HS3ST4: variants seen among roughly 807,000 people sequenced by gnomAD.
HS3ST4 encodes heparan sulfate-glucosamine 3-sulfotransferase 4, also known as heparan sulfate glucosamine 3-O-sulfotransferase 4.
HS3ST4 carries 17 observed loss-of-function variants against 29.2 expected under a neutral mutation model. The ratio of observed to expected loss-of-function variants is 0.58; its 90% CI spans 0.40 to 0.87. The LOEUF (loss-of-function observed/expected upper bound fraction) is 0.87. Ranked by LOEUF, HS3ST4 falls within the 40% of genes least tolerant of loss-of-function variation. The probability of loss-of-function intolerance (pLI) is 0.00; values close to 1 mark genes in which losing one functional copy is unlikely to be tolerated. For synonymous variants in HS3ST4, 314 were observed against 285.7 expected (o/e 1.10, Z -1.00); for missense variants, 627 against 634.5 (o/e 0.99, Z 0.13).
At chr16:26,121,222 G>C (rs1899272955) in intron 1 of HS3ST4, among the ~76,000 whole-genome samples, 1 of 152,170 alleles carries the variant, frequency 6.6e-6, no homozygotes. Flanking sequence ...GGCAGCTCGA[G>C]GGATGTTCAT....
chr16:25,811,057 A>T (rs1288863363), intron 1 of HS3ST4, among the ~76,000 whole-genome samples: 1 of 152,232 alleles, frequency 6.6e-6, no homozygotes, highest in Non-Finnish European at 1.5e-5. Context: ...GTTGGTGGTG[A>T]GCTACAAAAC....
chr16:25,761,784 A>G (rs1346770153), intron 1 of HS3ST4, among the ~76,000 whole-genome samples: 1 of 152,216 alleles, frequency 6.6e-6, no homozygotes, highest in Non-Finnish European at 1.5e-5. Flanking sequence ...TCTGATTATA[A>G]CATTAACAGA....
chr16:25,998,187 GGGA>G (rs1347056611), intron 1 of HS3ST4, among the ~76,000 whole-genome samples: 1 of 152,096 alleles, frequency 6.6e-6, no homozygotes, highest in Non-Finnish European at 1.5e-5. Context: ...AGGCTGAAGT[GGGA>G]GGATCACTTG....
chr16:25,945,060 A>G (rs1968611860), intron 1 of HS3ST4, among the ~76,000 whole-genome samples: 1 of 152,188 alleles, frequency 6.6e-6, no homozygotes, highest in East Asian at 1.9e-4. Context: ...ATTCCCACTG[A>G]TCTCCTGTAC....
chr16:25,734,400 CA>C (rs1966592618), intron 1 of HS3ST4, among the ~76,000 whole-genome samples: 1 of 152,128 alleles, frequency 6.6e-6, no homozygotes, highest in Non-Finnish European at 1.5e-5. Context: ...GAAGAGGGCC[CA>C]GGCTCCCAGA....
At chr16:26,009,582 C>A (rs1969291666) in intron 1 of HS3ST4, among the ~76,000 whole-genome samples, 1 of 152,206 alleles carries the variant, frequency 6.6e-6, no homozygotes, top group Non-Finnish European at 1.5e-5. Context: ...CGAGCTTCTG[C>A]CCCACCTTAC....
At chr16:25,705,522 A>G (rs924313597) in intron 1 of HS3ST4, among the ~76,000 whole-genome samples, 1 of 152,108 alleles carries the variant, frequency 6.6e-6, no homozygotes, top group African/African-American at 2.4e-5. Flanking sequence ...AAAATTAGCT[A>G]GGCGTGGTGG....
intron 1 of HS3ST4, among the ~76,000 whole-genome samples, chr16:25,893,332 A>G (rs1472824544): frequency 1.3e-5 from 2 of 152,204 alleles, no homozygotes; most frequent in Non-Finnish European, 2.9e-5. Flanking sequence ...ATTTTAAAGT[A>G]AGGGAATGAT....
At chr16:25,706,445 A>G (rs1966376609) in intron 1 of HS3ST4, among the ~76,000 whole-genome samples, 2 of 152,126 alleles carry the variant, frequency 1.3e-5, no homozygotes, top group East Asian at 3.8e-4. Context: ...AACATGTGCC[A>G]TGGTGGTTTG....
At chr16:26,043,390 T>C (rs899995739) in intron 1 of HS3ST4, among the ~76,000 whole-genome samples, 1 of 152,206 alleles carries the variant, frequency 6.6e-6, no homozygotes. Flanking sequence ...TATTTGAAGA[T>C]GGTGTTTAAT....
chr16:26,103,340 C>T (rs1336676153), intron 1 of HS3ST4, among the ~76,000 whole-genome samples: 2 of 152,044 alleles, frequency 1.3e-5, no homozygotes, highest in Non-Finnish European at 2.9e-5. Flanking sequence ...GTGTCTGATG[C>T]GAACACAGGG....
chr16:25,695,565 G>T (rs371976498), intron 1 of HS3ST4, among the ~76,000 whole-genome samples: 77 of 152,284 alleles, frequency 5.1e-4, no homozygotes, highest in African/African-American at 1.5e-3. Context: ...AGGAAGAGGG[G>T]CAGCATTCTC....
intron 1 of HS3ST4, among the ~76,000 whole-genome samples, chr16:26,090,388 A>AC (rs1898842423): frequency 6.6e-6 from 1 of 152,046 alleles, no homozygotes; most frequent in Non-Finnish European, 1.5e-5. Flanking sequence ...GGCCCAGATT[A>AC]CCCAAGGTAC....
intron 1 of HS3ST4, among the ~76,000 whole-genome samples, chr16:25,804,592 C>T (rs1966972093): frequency 6.6e-6 from 1 of 152,118 alleles, no homozygotes. Context: ...ATATGATCCT[C>T]CTCTGCTTGT....
At chr16:25,749,208 G>A (rs1481794570) in intron 1 of HS3ST4, among the ~76,000 whole-genome samples, 2 of 152,122 alleles carry the variant, frequency 1.3e-5, no homozygotes, top group African/African-American at 2.4e-5. Flanking sequence ...AGCTGGGGCT[G>A]TGGGGCCGGG....
At chr16:25,763,448 C>T (rs766523405) in intron 1 of HS3ST4, among the ~76,000 whole-genome samples, 20 of 152,134 alleles carry the variant, frequency 1.3e-4, no homozygotes, top group African/African-American at 3.4e-4. Flanking sequence ...GCAGGTTAGA[C>T]GTTTTCCTGC....
At chr16:26,064,308 A>G (rs543844807) in intron 1 of HS3ST4, among the ~76,000 whole-genome samples, 3 of 152,292 alleles carry the variant, frequency 2.0e-5, no homozygotes, top group South Asian at 4.1e-4. Context: ...CCTATCCAAA[A>G]AAAAAGTTTC....
intron 1 of HS3ST4, among the ~76,000 whole-genome samples, chr16:25,803,551 A>G (rs1008679734): frequency 6.6e-6 from 1 of 152,092 alleles, no homozygotes; most frequent in Non-Finnish European, 1.5e-5. Flanking sequence ...CCAAATTATT[A>G]TTTTTAAATT....
intron 1 of HS3ST4, among the ~76,000 whole-genome samples, chr16:25,840,816 A>C (rs1967404132): frequency 6.6e-6 from 1 of 152,130 alleles, no homozygotes; most frequent in Non-Finnish European, 1.5e-5. Flanking sequence ...TTTTATTGGT[A>C]GAAGCAGCAC....
Sources: gnomAD v4.1 joint callset for allele counts (sites outside exome capture counted in the v4.1 genomes callset) on GRCh38, gnomAD v4.1.1 for gene constraint, MANE v1.5 for transcripts, NCBI Gene and HGNC (gene_info 2026-07-23, HGNC 2026-07-21) for gene names.